The following GTF2B variants were observed in gnomAD, a reference collection of about 807,000 sequenced individuals.
GTF2B encodes the protein general transcription factor IIB.
In GTF2B, 20 loss-of-function variants were observed where a neutral mutation model predicts 34.6. That is an observed-to-expected ratio of 0.58 (90% CI 0.41 to 0.84). The LOEUF is 0.84. Among genes scored for constraint, GTF2B ranks in the 40% least tolerant of loss-of-function variants. The probability of loss-of-function intolerance (pLI) is 0.00; values close to 1 mark genes in which losing one functional copy is unlikely to be tolerated. For synonymous variants in GTF2B, 142 were observed against 132.4 expected, an observed-to-expected ratio of 1.07 and a Z score of -0.50; for missense variants, 237 against 393.3, an observed-to-expected ratio of 0.60 and a Z score of 3.36.
intron 1 of GTF2B, among the ~76,000 whole-genome samples, chr1:88,889,034 G>A (rs977753450): frequency 5.3e-5 from 8 of 152,142 alleles, no homozygotes; most frequent in African/African-American, 1.9e-4. Flanking sequence ...ATTAAAAAAA[G>A]GTAAAAGCAA....
At chr1:88,878,211 T>C (rs1191595298) in intron 2 of GTF2B, among the ~76,000 whole-genome samples, 4 of 152,002 alleles carry the variant, frequency 2.6e-5, no homozygotes, top group Non-Finnish European at 5.9e-5. Flanking sequence ...GAGGTGGAAG[T>C]TGCAGTGAGT....
intron 2 of GTF2B, among the ~76,000 whole-genome samples, chr1:88,877,696 C>G (rs1380787477): frequency 6.6e-6 from 1 of 152,218 alleles, no homozygotes; most frequent in Non-Finnish European, 1.5e-5. Flanking sequence ...TTCTGGGAAG[C>G]CGAGGCACGT....
intron 2 of GTF2B, among the ~76,000 whole-genome samples, chr1:88,885,491 T>TA (rs1459336791): frequency 6.7e-6 from 1 of 150,258 alleles, no homozygotes; most frequent in Non-Finnish European, 1.5e-5. Flanking sequence ...CTCACGCCTG[T>TA]AATCCCAGCA....
intron 2 of GTF2B, among the ~76,000 whole-genome samples, chr1:88,883,897 T>C (rs1485024763): frequency 3.9e-5 from 6 of 152,178 alleles, no homozygotes; most frequent in African/African-American, 1.4e-4. Context: ...TAATAAATCT[T>C]AGCAGATTCC....
At chr1:88,887,175 TC>T (rs1279858970) in intron 2 of GTF2B, 85 bp downstream of exon 2, 2 of 814,028 alleles carry the variant, frequency 2.5e-6, no homozygotes, top group African/African-American at 3.5e-5. Flanking sequence ...CACCTTGGCC[TC>T]CCGAAGTGCT....
At chr1:88,877,937 A>AAAAC (rs1325963361) in intron 2 of GTF2B, among the ~76,000 whole-genome samples, 2 of 152,166 alleles carry the variant, frequency 1.3e-5, no homozygotes, top group African/African-American at 4.8e-5. Context: ...TCTCAAAAAC[A>AAAAC]AAACAAACAA....
At chr1:88,886,561 A>T (rs1674073031) in intron 2 of GTF2B, among the ~76,000 whole-genome samples, 1 of 152,184 alleles carries the variant, frequency 6.6e-6, no homozygotes, top group South Asian at 2.1e-4. Flanking sequence ...GGGACTCAAA[A>T]ATCATGTTTA....
intron 2 of GTF2B, among the ~76,000 whole-genome samples, chr1:88,867,369 C>T (rs1570724589): frequency 1.3e-5 from 2 of 152,262 alleles, no homozygotes; most frequent in Admixed American, 1.3e-4. Context: ...TATTTTTAGA[C>T]AGAATTTAGT....
intron 2 of GTF2B, among the ~76,000 whole-genome samples, chr1:88,879,171 A>T (rs902078141): frequency 2.0e-5 from 3 of 152,122 alleles, no homozygotes; most frequent in African/African-American, 7.2e-5. Context: ...AAGAAGAAGG[A>T]GGTTTGACAG....
chr1:88,874,259 C>T (rs1051748504), intron 2 of GTF2B, among the ~76,000 whole-genome samples: 1 of 152,040 alleles, frequency 6.6e-6, no homozygotes, highest in Admixed American at 6.5e-5. Context: ...GACCTAGACT[C>T]TTAAGAGTGT....
intron 2 of GTF2B, among the ~76,000 whole-genome samples, chr1:88,874,228 G>A (rs1448466507): frequency 6.6e-6 from 1 of 152,146 alleles, no homozygotes; most frequent in Non-Finnish European, 1.5e-5. Context: ...AAATACTGAG[G>A]AGGGTCTGAT....
Position 88,881,714 on chromosome 1 carries a change from C to A in GTF2B, c.124+5547G>T, listed in dbSNP as rs377372896. Among the ~76,000 whole-genome samples the A allele has an allele frequency of 2.8e-4, 43 of 152,048 alleles. No individual in the cohort carries two copies. In the East Asian group the frequency reaches 4.1e-3, roughly 14 times the overall value. ...TATTTTATGTTAGAAGAATCAGTAT[C>A]AAAAAGAAATACTGTCATATATTAT... On this transcript the variant is annotated intron_variant, in intron 2 of 6. Coordinates refer to ENST00000370500, the MANE Select transcript of GTF2B (RefSeq NM_001514.6).
chr1:88,880,093 G>C (rs1048070522), intron 2 of GTF2B, among the ~76,000 whole-genome samples: 2 of 151,898 alleles, frequency 1.3e-5, no homozygotes, highest in East Asian at 3.9e-4. Flanking sequence ...AAAAAGAAAA[G>C]AAAAATGGGA....
At chr1:88,856,272 C>CAAAAAACAAAAAAA (rs1673303138) in intron 6 of GTF2B, among the ~76,000 whole-genome samples, 1 of 50,028 alleles carries the variant, frequency 2.0e-5, no homozygotes, top group African/African-American at 8.9e-5. Context: ...GTTTCAAAAA[C>CAAAAAACAAAAAAA]AAAAAAAAAA....
At chr1:88,858,799 A>G in intron 5 of GTF2B, 1 of 152,214 alleles carries the variant, frequency 6.6e-6, no homozygotes, top group East Asian at 1.9e-4. Flanking sequence ...TAAATGAAAA[A>G]TACCAGTTCT....
intron 2 of GTF2B, among the ~76,000 whole-genome samples, chr1:88,873,830 G>T (rs918931680): frequency 9.9e-5 from 15 of 152,114 alleles, no homozygotes; most frequent in African/African-American, 3.4e-4. Flanking sequence ...CCACTGGTCA[G>T]AACTTAACCA....
chr1:88,882,503 T>A (rs937800765), intron 2 of GTF2B, among the ~76,000 whole-genome samples: 2 of 152,038 alleles, frequency 1.3e-5, no homozygotes, highest in African/African-American at 4.8e-5. Context: ...GGTGACATAG[T>A]AAGTATTTTA....
intron 2 of GTF2B, among the ~76,000 whole-genome samples, chr1:88,866,026 C>A (rs1023441767): frequency 2.6e-5 from 4 of 151,876 alleles, no homozygotes; most frequent in African/African-American, 9.7e-5. Flanking sequence ...TTTAAATGCT[C>A]ATAAACAACC....
chr1:88,865,388 C>CT (rs1171444277), intron 2 of GTF2B, among the ~76,000 whole-genome samples: 1 of 152,124 alleles, frequency 6.6e-6, no homozygotes, highest in Non-Finnish European at 1.5e-5. Flanking sequence ...TGAGTTTCTC[C>CT]TTTTTTGTGG....
Sources: gnomAD v4.1 joint callset for allele counts (sites outside exome capture counted in the v4.1 genomes callset) on GRCh38, gnomAD v4.1.1 for gene constraint, MANE v1.5 for transcripts, NCBI Gene and HGNC (gene_info 2026-07-23, HGNC 2026-07-21) for gene names.